The following CPT1A variants were observed in gnomAD, a reference collection of about 807,000 sequenced individuals.
CPT1A encodes carnitine palmitoyltransferase 1A.
CPT1A carries 64 observed loss-of-function variants against 100.8 expected under a neutral mutation model. The observed-to-expected ratio is 0.63, with a 90% CI of 0.52 to 0.78. CPT1A has a LOEUF of 0.78. CPT1A is among the 30% of genes least tolerant of loss of function. CPT1A has a pLI of 0.00. For synonymous variants in CPT1A, 363 were observed against 396.0 expected (o/e 0.92, Z 0.99); for missense variants, 802 against 1,034.1 (o/e 0.78, Z 3.08).
intron 1 of CPT1A, among the ~76,000 whole-genome samples, chr11:68,825,658 C>T (rs890515755): frequency 6.6e-6 from 1 of 151,932 alleles, no homozygotes; most frequent in Non-Finnish European, 1.5e-5. Flanking sequence ...CCCCAGTGCC[C>T]GCCTCCCCGA....
At chr11:68,784,781 C>A in intron 10 of CPT1A, 34 bp downstream of exon 10, 1 of 1,596,442 alleles carries the variant, frequency 6.3e-7, no homozygotes, top group Non-Finnish European at 8.5e-7. Flanking sequence ...CTCCACCACC[C>A]CCCAAAACAG....
intron 3 of CPT1A, 135 bp from the exon 4 acceptor site, chr11:68,807,773 G>C (rs1423220013): frequency 4.9e-6 from 4 of 812,742 alleles, no homozygotes; most frequent in Non-Finnish European, 8.2e-6. Context: ...AAAGTCAGAG[G>C]GAGAGCACTT....
intron 4 of CPT1A, among the ~76,000 whole-genome samples, chr11:68,804,396 T>TA (rs1855989742): frequency 6.6e-6 from 1 of 152,074 alleles, no homozygotes; most frequent in South Asian, 2.1e-4. Context: ...TCCATGCCAA[T>TA]AAAAGCCTGG....
chr11:68,760,537 C>T (rs1397375805), intron 16 of CPT1A, among the ~76,000 whole-genome samples, 199 bp from the exon 17 acceptor site: 3 of 149,804 alleles, frequency 2.0e-5, no homozygotes, highest in African/African-American at 7.4e-5. Flanking sequence ...CAGACTGGGG[C>T]AGGGAGTGCA....
At chr11:68,765,877 CTTT>C (rs752519546) in intron 14 of CPT1A, among the ~76,000 whole-genome samples, 1 of 143,716 alleles carries the variant, frequency 7.0e-6, no homozygotes, top group Non-Finnish European at 1.5e-5. Context: ...GAGGGGCTAC[CTTT>C]TTTTTTTTTT....
At chr11:68,794,935 G>T (rs772167563) in intron 7 of CPT1A, 24 bp from the exon 8 acceptor site, 1 of 1,582,322 alleles carries the variant, frequency 6.3e-7, no homozygotes, top group South Asian at 1.1e-5. Flanking sequence ...AAGGTGGAGA[G>T]AATTTGCATA....
chr11:68,801,684 C>A (rs1855906499), intron 5 of CPT1A, among the ~76,000 whole-genome samples: 1 of 151,534 alleles, frequency 6.6e-6, no homozygotes, highest in Non-Finnish European at 1.5e-5. Context: ...AACAGGGACT[C>A]AGTAACCAAG....
At chr11:68,759,388 G>C (rs1946756936) in intron 18 of CPT1A, among the ~76,000 whole-genome samples, 181 bp downstream of exon 18, 1 of 150,722 alleles carries the variant, frequency 6.6e-6, no homozygotes, top group Non-Finnish European at 1.5e-5. Context: ...GAGTGAGACT[G>C]TGTCTCCAAA....
intron 3 of CPT1A, among the ~76,000 whole-genome samples, chr11:68,809,680 C>T (rs1053352659): frequency 6.6e-6 from 1 of 152,200 alleles, no homozygotes; most frequent in Non-Finnish European, 1.5e-5. Flanking sequence ...CCCTCCAGGA[C>T]AGGAAATGGC....
At chr11:68,789,378 G>A (rs915189661) in intron 9 of CPT1A, among the ~76,000 whole-genome samples, 3 of 151,990 alleles carry the variant, frequency 2.0e-5, no homozygotes, top group South Asian at 2.1e-4. Flanking sequence ...GGCATTGCAC[G>A]TGCTCATATA....
rs182811889 is a variant in CPT1A, at chr11:68,802,335, G to A, written c.555+1665C>T. On this transcript the variant is annotated intron_variant, in intron 5 of 18. Transcript: ENST00000265641. ...AAATGGAGCTGCTCCCTCTCCTTTT[G>A]TTCAATTAAAGAAAAAAAAAGACCG... Among the ~76,000 whole-genome samples, 572 of 150,580 alleles carry A rather than the reference G, an allele frequency of 3.8e-3. 2 individuals carry two copies. The highest frequency in any genetic ancestry group is 5.8e-3 in the Non-Finnish European group (391 of 67,732).
In CPT1A at chr11:68,763,515, G is replaced by T. The variant is rs186265830; in HGVS notation, c.1741-754C>A. On this transcript the variant is annotated intron_variant, in intron 14 of 18. Coordinates refer to ENST00000265641, the MANE Select transcript of CPT1A (RefSeq NM_001876.4). The stretch of plus-strand genomic sequence containing the variant: ...GAGAGACTGTGCTGGGGTGCAGGAA[G>T]AATGTCTAGCAGGAGGGCGGGAAGT... 5.3e-5 allele frequency among the ~76,000 whole-genome samples: 8 copies of T among 151,254 alleles called. 1 individual carries two copies. Among genetic ancestry groups the T allele is most frequent in the Middle Eastern group, 3.4e-3 (1 of 292 alleles).
At chr11:68,837,174 C>T (rs768263565) in intron 1 of CPT1A, among the ~76,000 whole-genome samples, 4 of 152,136 alleles carry the variant, frequency 2.6e-5, no homozygotes, top group Admixed American at 1.3e-4. Flanking sequence ...CTCAGCCTCC[C>T]GAGTAGCTGG....
intron 14 of CPT1A, among the ~76,000 whole-genome samples, chr11:68,771,269 A>G (rs1278326295): frequency 6.6e-6 from 1 of 152,204 alleles, no homozygotes; most frequent in East Asian, 1.9e-4. Context: ...GCATGTTTCA[A>G]AATGTACTAA....
chr11:68,819,696 T>C (rs570337571), intron 1 of CPT1A, among the ~76,000 whole-genome samples: 1 of 152,344 alleles, frequency 6.6e-6, no homozygotes, highest in Non-Finnish European at 1.5e-5. Context: ...TGAAACGCCC[T>C]CGCAGAGCGA....
intron 5 of CPT1A, among the ~76,000 whole-genome samples, chr11:68,801,932 C>T (rs1304676979): frequency 1.3e-5 from 2 of 152,128 alleles, no homozygotes; most frequent in African/African-American, 2.4e-5. Flanking sequence ...AACTGTGGTC[C>T]TTCCATACAA....
At chr11:68,789,125 G>C (rs1453675331) in intron 9 of CPT1A, among the ~76,000 whole-genome samples, 1 of 152,172 alleles carries the variant, frequency 6.6e-6, no homozygotes, top group Non-Finnish European at 1.5e-5. Flanking sequence ...GGTAAGATTA[G>C]GGCTGTATCT....
At position 68,756,112 on chromosome 11, in the gene CPT1A, CA is replaced by C. The variant is rs35803657; in HGVS notation, c.*1531del. On this transcript the variant is annotated 3_prime_UTR_variant, in exon 19 of 19. Coordinates refer to ENST00000265641, the MANE Select transcript of CPT1A (RefSeq NM_001876.4). Reference sequence around the variant, plus strand: ...GGGCAACAAGAGTGAAACTCCATCTCAAAAAAAAAAAAAAAAAAAAAGGCAC... The same window carrying C: ...GGGCAACAAGAGTGAAACTCCATCTCAAAAAAAAAAAAAAAAAAAAGGCAC... 7.3e-5 allele frequency: 6 copies of C among 82,052 alleles called. No individual in the cohort carries two copies. Among genetic ancestry groups the C allele is most frequent in the African/African-American group, 1.0e-4 (2 of 19,280 alleles). The allele number at this position is 82,052 out of a possible 1,614,324, so 5.1% of individuals were successfully genotyped here.
intron 15 of CPT1A, among the ~76,000 whole-genome samples, chr11:68,761,957 G>A (rs1854638008): frequency 1.3e-5 from 2 of 152,106 alleles, no homozygotes; most frequent in South Asian, 4.2e-4. Flanking sequence ...AAGAGCCCTG[G>A]CCAGTGTCTC....
Sources: gnomAD v4.1 joint callset for allele counts (sites outside exome capture counted in the v4.1 genomes callset) on GRCh38, gnomAD v4.1.1 for gene constraint, MANE v1.5 for transcripts, NCBI Gene and HGNC (gene_info 2026-07-23, HGNC 2026-07-21) for gene names.